The following SETD7 variants were observed in gnomAD, a reference collection of about 807,000 sequenced individuals.
SETD7 encodes histone-lysine N-methyltransferase SETD7.
Under a neutral mutation model 41.8 loss-of-function variants are expected in SETD7, and 16 were observed. That is an observed-to-expected ratio of 0.38 (90% CI 0.26 to 0.58). The LOEUF (loss-of-function observed/expected upper bound fraction) is 0.58, where lower values mean the gene tolerates loss of function less well. SETD7 is among the 20% of genes least tolerant of loss of function. SETD7 has a pLI of 0.64. For missense variants in SETD7, 346 were observed against 459.7 expected, an observed-to-expected ratio of 0.75 and a Z score of 2.26; for synonymous variants, 163 against 169.7, an observed-to-expected ratio of 0.96 and a Z score of 0.31.
chr4:139,542,416 G>T (rs915986599), intron 2 of SETD7, among the ~76,000 whole-genome samples: 2 of 152,190 alleles, frequency 1.3e-5, no homozygotes. Flanking sequence ...TCACCAGAAA[G>T]AAATGATGAA....
downstream of SETD7, among the ~76,000 whole-genome samples, chr4:139,494,711 T>C (rs557414141): frequency 3.3e-5 from 5 of 152,252 alleles, no homozygotes; most frequent in Non-Finnish European, 7.3e-5. Flanking sequence ...AAATTGATAC[T>C]GGATGTTGGA....
chr4:139,497,411 C>A (rs1463987216), intron 7 of SETD7, among the ~76,000 whole-genome samples: 1 of 150,862 alleles, frequency 6.6e-6, no homozygotes, highest in African/African-American at 2.4e-5. Flanking sequence ...GCCGAGATTG[C>A]GCCATTACTA....
chr4:139,496,219 C>T (rs531270432), exon 8 of SETD7: 2 of 503,512 alleles, frequency 4.0e-6, no homozygotes, highest in East Asian at 6.3e-5. Context: ...TTCTCTGGCA[C>T]AACTTATTAG....
At chr4:139,556,064 G>T (rs761040877) in intron 1 of SETD7, 34 bp downstream of exon 1, 47 of 1,573,412 alleles carry the variant, frequency 3.0e-5, no homozygotes, top group Non-Finnish European at 4.0e-5. Flanking sequence ...GGCCCTCTGC[G>T]CCTCCTCCCC....
chr4:139,535,113 T>C (rs1727602160), intron 2 of SETD7, among the ~76,000 whole-genome samples: 1 of 152,096 alleles, frequency 6.6e-6, no homozygotes, highest in Non-Finnish European at 1.5e-5. Context: ...GATTCAACTG[T>C]CATTAGACTC....
At chr4:139,518,157 T>A in intron 6 of SETD7, 115 bp from the exon 7 acceptor site, 1 of 1,137,888 alleles carries the variant, frequency 8.8e-7, no homozygotes, top group Non-Finnish European at 1.2e-6. Context: ...AGACAGGGTC[T>A]CACTCTGTCA....
chr4:139,554,614 T>C (rs1413223154), intron 1 of SETD7, among the ~76,000 whole-genome samples: 2 of 152,346 alleles, frequency 1.3e-5, no homozygotes, highest in Non-Finnish European at 2.9e-5. Flanking sequence ...AGCCCCAACA[T>C]TGGCTTTATT....
At chr4:139,516,484 A>C (rs1378780287) in intron 7 of SETD7, among the ~76,000 whole-genome samples, 2 of 151,120 alleles carry the variant, frequency 1.3e-5, no homozygotes, top group African/African-American at 2.4e-5. Flanking sequence ...AAAAAAAAAA[A>C]AAACAATGAA....
intron 1 of SETD7, among the ~76,000 whole-genome samples, chr4:139,552,879 C>T (rs1282035137): frequency 6.6e-6 from 1 of 152,152 alleles, no homozygotes; most frequent in Admixed American, 6.5e-5. Context: ...ATATTAGAGA[C>T]CACATCATAT....
Position 139,511,471 on chromosome 4 carries a change from G to C in SETD7, c.*192C>G, listed in dbSNP as rs1726873307. On this transcript the variant is annotated 3_prime_UTR_variant, in exon 8 of 8. Coordinates refer to ENST00000274031, the MANE Select transcript of SETD7 (RefSeq NM_030648.4). Reference sequence around the variant, plus strand: ...CCTCTCAGTAGGACGTTGTTGCAAGGCTAGCTAATTTTAAATCTGGTATGA... The same window carrying C: ...CCTCTCAGTAGGACGTTGTTGCAAGCCTAGCTAATTTTAAATCTGGTATGA... The C allele has an allele frequency of 1.0e-6, 1 of 964,306 alleles. No homozygotes were observed. Among genetic ancestry groups the C allele is most frequent in the South Asian group, 1.7e-5 (1 of 57,502 alleles). The allele number at this position is 964,306 out of a possible 1,614,324, so 59.7% of individuals were successfully genotyped here.
rs1726742726 is a variant in SETD7, at chr4:139,507,617, A to G, written c.*4046T>C. The stretch of plus-strand genomic sequence containing the variant: ...ATACAAACACATTAAAATTTGTGAA[A>G]AGGGTTCCCACCCCTGTGGTTGTAT... On this transcript the variant is annotated 3_prime_UTR_variant, in exon 8 of 8. Transcript: ENST00000274031. 1 of 152,648 alleles carries G rather than the reference A, an allele frequency of 6.6e-6. No individual in the cohort carries two copies. The highest frequency in any genetic ancestry group is 6.5e-5 in the Admixed American group (1 of 15,288). The allele number at this position is 152,648 out of a possible 1,614,324, so 9.5% of individuals were successfully genotyped here. A position where few individuals can be genotyped will look rare whatever the true frequency, so the allele number is the denominator to read the frequency against.
chr4:139,521,412 G>A (rs1483164550), intron 5 of SETD7, among the ~76,000 whole-genome samples: 1 of 128,634 alleles, frequency 7.8e-6, no homozygotes, highest in African/African-American at 3.0e-5. Context: ...GACGACAAGA[G>A]CAAGACTCTG....
At chr4:139,531,954 C>T (rs375669753) in intron 3 of SETD7, among the ~76,000 whole-genome samples, 13 of 151,974 alleles carry the variant, frequency 8.6e-5, no homozygotes, top group South Asian at 4.2e-4. Context: ...ATTAGCCGGG[C>T]GTAGTGGCCT....
At chr4:139,495,801 T>C (rs2111104515), downstream of SETD7, 1 of 152,390 alleles carries the variant, frequency 6.6e-6, no homozygotes, top group African/African-American at 2.4e-5. Context: ...ATCTCTGATA[T>C]ATTCACTTTA....
chr4:139,553,437 C>T (rs938134138), intron 1 of SETD7, among the ~76,000 whole-genome samples: 5 of 152,220 alleles, frequency 3.3e-5, no homozygotes, highest in Admixed American at 2.6e-4. Flanking sequence ...TAATATTTAA[C>T]TGTTGCTTCC....
downstream of SETD7, among the ~76,000 whole-genome samples, chr4:139,505,665 C>G (rs1328993201): frequency 2.0e-5 from 3 of 152,108 alleles, no homozygotes; most frequent in Non-Finnish European, 4.4e-5. Flanking sequence ...AGCTCAGACT[C>G]ATCCTCAGAC....
At chr4:139,511,890 T>C (rs1379485604) in intron 7 of SETD7, 47 bp from the exon 8 acceptor site, 12 of 1,570,592 alleles carry the variant, frequency 7.6e-6, no homozygotes, top group Non-Finnish European at 9.5e-6. Context: ...GACCAGGAGG[T>C]TGGAAGCAAA....
chr4:139,534,287 C>A (rs1471916831), intron 2 of SETD7, among the ~76,000 whole-genome samples: 1 of 152,094 alleles, frequency 6.6e-6, no homozygotes, highest in African/African-American at 2.4e-5. Flanking sequence ...AGGGAAAGAC[C>A]AACTCAAATT....
chr4:139,519,272 T>G (rs193116330), intron 6 of SETD7, among the ~76,000 whole-genome samples: 1 of 152,218 alleles, frequency 6.6e-6, no homozygotes. Context: ...ATAGAGCATA[T>G]TGAGGTTCAG....
Sources: allele counts gnomAD v4.1 joint callset (sites outside exome capture counted in the v4.1 genomes callset), GRCh38; gene constraint gnomAD v4.1.1; transcripts MANE v1.5; gene names NCBI Gene and HGNC (gene_info 2026-07-23, HGNC 2026-07-21).